The following IHO1 variants were observed in gnomAD, a reference collection of about 807,000 sequenced individuals.
The protein encoded by IHO1 is interactor of HORMAD1 protein 1.
IHO1 carries 13 observed loss-of-function variants against 31.0 expected under a neutral mutation model. The observed-to-expected ratio is 0.42, with a 90% confidence interval of 0.27 to 0.67. The LOEUF (loss-of-function observed/expected upper bound fraction) is 0.67. IHO1 is among the 30% of genes least tolerant of loss of function. IHO1 has a pLI of 0.24. For missense variants in IHO1, 599 were observed against 687.5 expected (o/e 0.87, Z 1.44); for synonymous variants, 221 against 248.4 (o/e 0.89, Z 1.04).
intron 7 of IHO1, 39 bp downstream of exon 7, chr3:49,255,532 G>A (rs764832666): frequency 7.5e-7 from 1 of 1,338,128 alleles, no homozygotes; most frequent in Non-Finnish European, 1.0e-6. Flanking sequence ...GTGTGTTTTG[G>A]GCTTTGAACT....
intron 1 of IHO1, among the ~76,000 whole-genome samples, chr3:49,211,069 G>T (rs1006707107): frequency 6.8e-6 from 1 of 147,964 alleles, no homozygotes; most frequent in African/African-American, 2.5e-5. Context: ...GTGCAGTGGC[G>T]CGATCTCGGC....
Position 49,257,293 on chromosome 3 carries a change from G to A in IHO1, c.*11G>A, listed in dbSNP as rs1184028222. The A allele has an allele frequency of 6.2e-7, 1 of 1,608,014 alleles. No individual in the cohort carries two copies. Among genetic ancestry groups the A allele is most frequent in the Non-Finnish European group, 8.5e-7 (1 of 1,176,300 alleles). Reference sequence around the variant, plus strand: ...GATGATGGCTTCTGACCAGTCCACAGTTGATTTATTGGTCTCAGCTAGAAA... The same window carrying A: ...GATGATGGCTTCTGACCAGTCCACAATTGATTTATTGGTCTCAGCTAGAAA... On this transcript the variant is annotated 3_prime_UTR_variant, in exon 8 of 8. Coordinates refer to ENST00000452691, the MANE Select transcript of IHO1 (RefSeq NM_001135197.2).
chr3:49,234,073 G>A (rs1031707744), intron 2 of IHO1, among the ~76,000 whole-genome samples: 8 of 151,456 alleles, frequency 5.3e-5, no homozygotes, highest in Non-Finnish European at 8.8e-5. Context: ...AACTCTGTTC[G>A]GGGCTGAGAA....
chr3:49,245,019 C>CTCCT, intron 6 of IHO1: 1 of 577,382 alleles, frequency 1.7e-6, no homozygotes, highest in South Asian at 2.3e-5. Context: ...GGTTTCTCAT[C>CTCCT]TCACTGCCTG....
chr3:49,256,391 G>C lies in IHO1; in HGVS notation c.894G>C (p.Gln298His), dbSNP rs1559454927. 2 of 1,614,164 alleles carry C rather than the reference G, an allele frequency of 1.2e-6. No individual in the cohort carries two copies. The highest frequency in any genetic ancestry group is 1.7e-5 in the Admixed American group (1 of 60,018). Residue 298 changes from glutamine to histidine, a missense_variant, in exon 8 of 8, where the codon CAG (glutamine) becomes CAC (histidine). Coordinates refer to ENST00000452691, the MANE Select transcript of IHO1 (RefSeq NM_001135197.2). The surrounding 1 kb of genome is among the most constrained non-coding windows in gnomAD (Gnocchi z 4.6). ...CCTCTGAGAAACCAGTTTTATGGCAGGCCCAGGCCCTCCCTGCTGCATGGA... is the reference window on the plus strand; with the variant it reads ...CCTCTGAGAAACCAGTTTTATGGCACGCCCAGGCCCTCCCTGCTGCATGGA... The part of the protein sequence containing the change: ...KYTSEKPVLW[Q>H]AQALPAAWNP...
upstream of IHO1, among the ~76,000 whole-genome samples, chr3:49,196,316 C>T (rs1289816529): frequency 2.0e-5 from 3 of 146,768 alleles, no homozygotes; most frequent in African/African-American, 5.0e-5. Flanking sequence ...CTATCTGTAA[C>T]GTTTTTACTT....
At chr3:49,214,013 T>A in intron 2 of IHO1, 1 of 357,480 alleles carries the variant, frequency 2.8e-6, no homozygotes, top group Non-Finnish European at 6.0e-6. Context: ...TCATACAGAC[T>A]CTTCTTCTCT....
intron 3 of IHO1, among the ~76,000 whole-genome samples, chr3:49,237,991 G>A (rs1042864155): frequency 8.6e-5 from 11 of 127,446 alleles, no homozygotes; most frequent in African/African-American, 2.7e-4. Flanking sequence ...TGCAAACTTC[G>A]CCTTCCAGGT....
chr3:49,247,041 G>T (rs969809985), intron 6 of IHO1, among the ~76,000 whole-genome samples: 1 of 151,732 alleles, frequency 6.6e-6, no homozygotes, highest in Non-Finnish European at 1.5e-5. Flanking sequence ...TAGAGACGGG[G>T]TTTCACCATG....
At chr3:49,191,615 G>A in the IHO1 span, 3 of 974,520 alleles carry the variant, frequency 3.1e-6, no homozygotes, top group Non-Finnish European at 4.9e-6. Context: ...GAGAGGAAGT[G>A]GGCGGCTCAG....
intron 2 of IHO1, among the ~76,000 whole-genome samples, chr3:49,230,538 CAATTGA>C: frequency 6.6e-6 from 1 of 152,154 alleles, no homozygotes; most frequent in Non-Finnish European, 1.5e-5. Context: ...GTAGGGCAAG[CAATTGA>C]ACCTACTTGT....
rs779349992 is a variant in IHO1, at chr3:49,256,370, T to C, written c.873T>C (p.Ser291=). Reference sequence around the variant, plus strand: ...TCACCAGGCAGGAAAAATACACCTCTGAGAAACCAGTTTTATGGCAGGCCC... The same window carrying C: ...TCACCAGGCAGGAAAAATACACCTCCGAGAAACCAGTTTTATGGCAGGCCC... ...LNLTRQEKYT[S]EKPVLWQAQA... Residue 291 remains serine, a synonymous_variant, in exon 8 of 8, where the codon TCT becomes TCC. Transcript: ENST00000452691. The surrounding 1 kb of genome is among the most constrained non-coding windows in gnomAD (Gnocchi z 4.6). 6.2e-7 allele frequency: 1 copy of C among 1,614,144 alleles called. No individual in the cohort carries two copies. Among genetic ancestry groups the C allele is most frequent in the Admixed American group, 1.7e-5 (1 of 60,004 alleles).
rs541079697 is a variant in IHO1 at position 49,221,288 on chromosome 3, A to C, written c.56+9452A>C. Among the ~76,000 whole-genome samples the C allele has an allele frequency of 5.3e-5, 8 of 149,664 alleles. No individual in the cohort carries two copies. In the South Asian group the frequency reaches 1.5e-3, roughly 28 times the overall value. On this transcript the variant is annotated intron_variant, in intron 2 of 7. Transcript: ENST00000452691. Reference sequence around the variant, plus strand: ...ACAATCCTTTAGCTAGACACAGAGCACTGATTGGTGCATTTTTACAGAGTG... The same window carrying C: ...ACAATCCTTTAGCTAGACACAGAGCCCTGATTGGTGCATTTTTACAGAGTG...
intron 2 of IHO1, 26 bp from the exon 3 acceptor site, chr3:49,236,522 A>G: frequency 6.5e-7 from 1 of 1,530,184 alleles, no homozygotes; most frequent in South Asian, 1.1e-5. Flanking sequence ...TGTCTATTTG[A>G]TACACTTTTT....
chr3:49,192,463 T>C, the IHO1 span, among the ~76,000 whole-genome samples: 3 of 152,154 alleles, frequency 2.0e-5, no homozygotes, highest in South Asian at 4.1e-4. Flanking sequence ...CCAAAAGAAA[T>C]TGACAATCAG....
chr3:49,227,677 T>A (rs2046432732), intron 2 of IHO1, among the ~76,000 whole-genome samples: 1 of 152,258 alleles, frequency 6.6e-6, no homozygotes, highest in South Asian at 2.1e-4. Flanking sequence ...TCCTAAGCAT[T>A]CTCCTGTTAG....
chr3:49,245,598 A>G (rs1385188863), intron 6 of IHO1: 1 of 152,266 alleles, frequency 6.6e-6, no homozygotes, highest in African/African-American at 2.4e-5. Flanking sequence ...AAGAGAGTAA[A>G]TATACAGTTC....
At chr3:49,238,164 A>G (rs974180574) in intron 3 of IHO1, among the ~76,000 whole-genome samples, 2 of 152,082 alleles carry the variant, frequency 1.3e-5, no homozygotes, top group Admixed American at 1.3e-4. Flanking sequence ...TCAGCTGCCC[A>G]AAGTGCTGGG....
At chr3:49,236,861 C>A (rs2046565744) in intron 3 of IHO1, 139 bp downstream of exon 3, 3 of 725,820 alleles carry the variant, frequency 4.1e-6, no homozygotes, top group Non-Finnish European at 6.5e-6. Context: ...GCAAGTGGAT[C>A]CCTTGAGCCC....
Sources: allele counts gnomAD v4.1 joint callset (sites outside exome capture counted in the v4.1 genomes callset), GRCh38; gene constraint gnomAD v4.1.1; non-coding constraint Gnocchi (gnomAD v3.1); transcripts MANE v1.5; gene names NCBI Gene and HGNC (gene_info 2026-07-23, HGNC 2026-07-21).